FRMD8: variants seen among roughly 807,000 people sequenced by gnomAD.
FRMD8 encodes FERM domain-containing protein 8.
In FRMD8, 37 loss-of-function variants were observed where a neutral mutation model predicts 54.2. The ratio of observed to expected loss-of-function variants is 0.68; its 90% CI spans 0.53 to 0.90. FRMD8 has a LOEUF of 0.90. FRMD8 is among the 40% of genes least tolerant of loss of function. The pLI is 0.00. For missense variants in FRMD8, 585 were observed against 653.7 expected (o/e 0.89, Z 1.15); for synonymous variants, 246 against 286.9 (o/e 0.86, Z 1.44).
chr11:65,391,746 A>G (rs577531724), intron 3 of FRMD8, among the ~76,000 whole-genome samples: 1 of 152,234 alleles, frequency 6.6e-6, no homozygotes, highest in South Asian at 2.1e-4. Context: ...TCTGACCTCA[A>G]GTGATCCACC....
intron 10 of FRMD8, 146 bp downstream of exon 10, chr11:65,405,214 C>A: frequency 1.3e-6 from 1 of 743,620 alleles, no homozygotes; most frequent in Non-Finnish European, 2.2e-6. Context: ...GTGAGCAGGC[C>A]GAGCCCGGGC....
At chr11:65,369,596 G>T in the FRMD8 span, among the ~76,000 whole-genome samples, 1 of 151,600 alleles carries the variant, frequency 6.6e-6, no homozygotes, top group African/African-American at 2.4e-5. Flanking sequence ...CAGGCTTGGT[G>T]GTGGGCACCT....
chr11:65,398,876 C>T (rs543075205), intron 7 of FRMD8, among the ~76,000 whole-genome samples: 5 of 152,012 alleles, frequency 3.3e-5, no homozygotes, highest in African/African-American at 1.2e-4. Flanking sequence ...CATCCCATCG[C>T]GTGGAGAGAG....
At chr11:65,383,629 G>A (rs1239624279), upstream of FRMD8, 1 of 151,954 alleles carries the variant, frequency 6.6e-6, no homozygotes, top group Non-Finnish European at 1.5e-5. Flanking sequence ...GTGATGACGG[G>A]CGCCTGTAGT....
chr11:65,395,475 G>T (rs888929530), intron 6 of FRMD8, among the ~76,000 whole-genome samples: 2 of 152,196 alleles, frequency 1.3e-5, no homozygotes, highest in Non-Finnish European at 2.9e-5. Flanking sequence ...GCAGATGGAG[G>T]TTGCAGTGAG....
chr11:65,369,929 G>C, the FRMD8 span, among the ~76,000 whole-genome samples: 8 of 151,082 alleles, frequency 5.3e-5, no homozygotes, highest in East Asian at 1.5e-3. Context: ...CTACTCGGGA[G>C]GTGAGACAGG....
intron 3 of FRMD8, among the ~76,000 whole-genome samples, chr11:65,392,699 G>A (rs1269910828): frequency 1.3e-5 from 2 of 152,128 alleles, no homozygotes; most frequent in Non-Finnish European, 2.9e-5. Context: ...CCAGGGATAC[G>A]GCGGTGGACA....
At chr11:65,385,226 GAGCTGAGAACCAGGA>G (rs887146708), upstream of FRMD8, among the ~76,000 whole-genome samples, 1 of 152,180 alleles carries the variant, frequency 6.6e-6, no homozygotes, top group Non-Finnish European at 1.5e-5. Context: ...GAGGGTCCCA[GAGCTGAGAACCAGGA>G]AGGAGATGCC....
chr11:65,405,003 G>A lies in FRMD8; in HGVS notation c.1211G>A (p.Arg404Gln), dbSNP rs747711065. The change falls in exon 10 of 11, where the codon CGG (arginine) becomes CAG (glutamine). Residue 404 changes from arginine (R) to glutamine (Q), a missense_variant. Transcript: ENST00000317568. ...GCTCCTGTTCAGCGCCCCAAGCTGC[G>A]GAGGCAGGGCAGTGTGGTGTCCAGC... The part of the protein sequence containing the change: ...SLAPVQRPKL[R>Q]RQGSVVSSRI... 4.3e-6 allele frequency: 7 copies of A among 1,613,266 alleles called. No homozygotes were observed. The highest frequency in any genetic ancestry group is 2.7e-5 in the African/African-American group (2 of 74,958).
upstream of FRMD8, among the ~76,000 whole-genome samples, chr11:65,384,657 C>T (rs561950809): frequency 6.6e-6 from 1 of 152,334 alleles, no homozygotes; most frequent in East Asian, 1.9e-4. Flanking sequence ...AGAGACTTTT[C>T]CTGCCTGTAG....
chr11:65,398,571 A>C (rs1015367099), intron 7 of FRMD8, among the ~76,000 whole-genome samples: 7 of 152,162 alleles, frequency 4.6e-5, no homozygotes, highest in Non-Finnish European at 7.3e-5. Flanking sequence ...CTGGCGATGG[A>C]TGTGGGCTCC....
At chr11:65,390,536 C>T (rs993190802) in intron 3 of FRMD8, among the ~76,000 whole-genome samples, 1 of 152,080 alleles carries the variant, frequency 6.6e-6, no homozygotes, top group East Asian at 1.9e-4. Context: ...ACCCCTGCTC[C>T]CCACCCTCAT....
intron 7 of FRMD8, among the ~76,000 whole-genome samples, chr11:65,397,796 C>G (rs1008805835): frequency 1.3e-5 from 2 of 151,838 alleles, no homozygotes; most frequent in African/African-American, 4.8e-5. Context: ...ACTGCAGGCT[C>G]GACCTCCTGG....
the FRMD8 span, chr11:65,376,386 C>G: frequency 1.6e-4 from 252 of 1,606,510 alleles, no homozygotes; most frequent in African/African-American, 3.1e-3. Flanking sequence ...TGATGGGGAG[C>G]TGCTGGCATT....
At chr11:65,379,346 C>CAT in the FRMD8 span, 4 of 1,602,376 alleles carry the variant, frequency 2.5e-6, no homozygotes, top group South Asian at 4.4e-5. Flanking sequence ...CCCTATGACA[C>CAT]CTGTGTGTGC....
At chr11:65,368,633 G>A in the FRMD8 span, among the ~76,000 whole-genome samples, 7 of 152,050 alleles carry the variant, frequency 4.6e-5, no homozygotes, top group South Asian at 1.0e-3. Context: ...GCGCAATCTC[G>A]GCTCACTGCA....
intron 6 of FRMD8, 28 bp from the exon 7 acceptor site, chr11:65,396,771 G>A (rs1314428339): frequency 1.0e-5 from 15 of 1,435,698 alleles, no homozygotes; most frequent in Non-Finnish European, 1.1e-5. Flanking sequence ...TGGTTGGGCC[G>A]CTAGCACCTG....
upstream of FRMD8, chr11:65,381,973 G>A (rs1255077577): frequency 6.2e-7 from 1 of 1,610,866 alleles, no homozygotes. Flanking sequence ...GCGGGAACTG[G>A]TGGCTCCAGC....
At chr11:65,371,837 A>G in the FRMD8 span, among the ~76,000 whole-genome samples, 1 of 152,048 alleles carries the variant, frequency 6.6e-6, no homozygotes, top group Non-Finnish European at 1.5e-5. Flanking sequence ...GATGGTCTCG[A>G]TCTCCTGACC....
Sources: allele counts gnomAD v4.1 joint callset (sites outside exome capture counted in the v4.1 genomes callset), GRCh38; gene constraint gnomAD v4.1.1; transcripts MANE v1.5; gene names NCBI Gene and HGNC (gene_info 2026-07-23, HGNC 2026-07-21).